BCAR3: variants seen among roughly 807,000 people sequenced by gnomAD.
The protein encoded by BCAR3 is BCAR3 adaptor protein, NSP family member.
A neutral mutation model predicts 80.1 loss-of-function variants in BCAR3; 37 were observed. That is an observed-to-expected ratio of 0.46 (90% CI 0.36 to 0.61). The LOEUF (loss-of-function observed/expected upper bound fraction) is 0.61. BCAR3 is among the 20% of genes least tolerant of loss of function. The pLI, the probability that BCAR3 is intolerant of heterozygous loss-of-function variation, is 0.00. For synonymous variants in BCAR3, 389 were observed against 418.9 expected, an observed-to-expected ratio of 0.93 and a Z score of 0.87; for missense variants, 978 against 1,068.2, an observed-to-expected ratio of 0.92 and a Z score of 1.18.
intron 2 of BCAR3, among the ~76,000 whole-genome samples, chr1:93,755,105 T>A (rs1394988138): frequency 1.3e-5 from 2 of 152,082 alleles, no homozygotes; most frequent in East Asian, 3.8e-4. Context: ...TAAAAAATTT[T>A]AAAAATAGAA....
At chr1:93,726,340 C>G (rs12042820) in intron 2 of BCAR3, among the ~76,000 whole-genome samples, 1 of 152,204 alleles carries the variant, frequency 6.6e-6, no homozygotes, top group East Asian at 1.9e-4. Flanking sequence ...TCCAAAGTGT[C>G]AAGATTACAG....
chr1:93,717,093 T>C (rs958148989), intron 2 of BCAR3, among the ~76,000 whole-genome samples: 5 of 152,204 alleles, frequency 3.3e-5, no homozygotes, highest in African/African-American at 1.2e-4. Context: ...CCGCACAGTA[T>C]CTACTTATAC....
At chr1:93,730,557 C>G (rs1650750729) in intron 2 of BCAR3, among the ~76,000 whole-genome samples, 1 of 152,180 alleles carries the variant, frequency 6.6e-6, no homozygotes, top group Non-Finnish European at 1.5e-5. Context: ...CACATACGTC[C>G]TGTACTCTGC....
At chr1:93,640,650 G>A (rs1360318086) in intron 3 of BCAR3, among the ~76,000 whole-genome samples, 1 of 152,198 alleles carries the variant, frequency 6.6e-6, no homozygotes, top group Non-Finnish European at 1.5e-5. Flanking sequence ...TCTCTTCTTT[G>A]TCAATACCAC....
chr1:93,592,357 C>T lies in BCAR3; in HGVS notation c.394G>A (p.Glu132Lys), dbSNP rs200280259. The part of the protein sequence containing the change: ...KERHIMDRTP[E>K]KLKKELEEEL... ...TCCTCCAGCTCCTTCTTCAGTTTCT[C>T]GGGGGTCCTGTCCATGATGTGCCTC... The change falls in exon 4 of 12, where the codon GAG becomes AAG. Residue 132 changes from glutamate to lysine, a missense_variant. Glu to Lys is a moderately conservative substitution (Grantham distance 56). Coordinates refer to ENST00000260502, the MANE Select transcript of BCAR3 (RefSeq NM_003567.4). The surrounding 1 kb of genome is among the most constrained non-coding windows in gnomAD (Gnocchi z 4.8). 4.0e-5 allele frequency: 65 copies of T among 1,606,374 alleles called. No homozygotes were observed. Among genetic ancestry groups the T allele is most frequent in the Middle Eastern group, 1.7e-4 (1 of 6,048 alleles).
At chr1:93,716,887 T>C (rs1351993666) in intron 2 of BCAR3, among the ~76,000 whole-genome samples, 2 of 152,206 alleles carry the variant, frequency 1.3e-5, no homozygotes, top group Non-Finnish European at 2.9e-5. Flanking sequence ...GAGCATGCAC[T>C]CAGGCAGGGA....
At chr1:93,664,436 T>C (rs1647807172) in intron 2 of BCAR3, among the ~76,000 whole-genome samples, 1 of 152,210 alleles carries the variant, frequency 6.6e-6, no homozygotes, top group African/African-American at 2.4e-5. Flanking sequence ...TACTTTTCTA[T>C]GAGTCAGTGT....
At chr1:93,817,894 T>C (rs1033785596) in intron 2 of BCAR3, among the ~76,000 whole-genome samples, 1 of 152,114 alleles carries the variant, frequency 6.6e-6, no homozygotes, top group Non-Finnish European at 1.5e-5. Flanking sequence ...CAGTTCACCT[T>C]CCCCTAGACC....
chr1:93,700,199 T>C (rs1004694092), intron 3 of BCAR3, among the ~76,000 whole-genome samples: 1 of 152,176 alleles, frequency 6.6e-6, no homozygotes, highest in Admixed American at 6.5e-5. Context: ...GAAAATTCTT[T>C]TTTTTTCTTT....
intron 2 of BCAR3, among the ~76,000 whole-genome samples, chr1:93,789,384 C>T (rs1031784985): frequency 2.9e-4 from 44 of 152,306 alleles, no homozygotes; most frequent in African/African-American, 1.1e-3. Context: ...CTAAGCCCTC[C>T]CTATGGGGGA....
In BCAR3 at chr1:93,674,948, G is replaced by T. The variant is rs1571033710; in HGVS notation, c.-11-7C>A. ...GCAGCCATAATTCTCAACTCTAAGGGGGAAAGAAAAGAGTGAAGGTATAAA... is the reference window on the plus strand; with the variant it reads ...GCAGCCATAATTCTCAACTCTAAGGTGGAAAGAAAAGAGTGAAGGTATAAA... On this transcript the variant is annotated splice_polypyrimidine_tract_variant and splice_region_variant and intron_variant, in intron 1 of 11. Transcript: ENST00000260502. 1 of 1,521,562 alleles carries T rather than the reference G, an allele frequency of 6.6e-7. No homozygotes were observed. The highest frequency in any genetic ancestry group is 1.3e-5 in the South Asian group (1 of 75,738). The allele number at this position is 1,521,562 out of a possible 1,614,324, so 94.3% of individuals were successfully genotyped here.
intron 8 of BCAR3, among the ~76,000 whole-genome samples, chr1:93,572,947 T>C (rs541191589): frequency 2.0e-4 from 31 of 152,190 alleles, no homozygotes; most frequent in Non-Finnish European, 4.0e-4. Flanking sequence ...GTTAAATAGG[T>C]AATGGGCTCT....
chr1:93,682,162 A>G (rs371564927), upstream of BCAR3, among the ~76,000 whole-genome samples: 12 of 152,182 alleles, frequency 7.9e-5, no homozygotes, highest in African/African-American at 1.2e-4. Flanking sequence ...CTGGCTTTCA[A>G]TGTGAAGGGC....
intron 2 of BCAR3, among the ~76,000 whole-genome samples, chr1:93,767,281 C>A (rs1460157785): frequency 1.3e-5 from 2 of 152,040 alleles, no homozygotes; most frequent in African/African-American, 4.8e-5. Context: ...CCAGCACTTT[C>A]GGAGGCCGAG....
intron 2 of BCAR3, among the ~76,000 whole-genome samples, chr1:93,799,287 T>G (rs1256522887): frequency 6.6e-6 from 1 of 152,214 alleles, no homozygotes; most frequent in East Asian, 1.9e-4. Flanking sequence ...AGCTGATAAT[T>G]TGGATGGCTC....
chr1:93,691,151 G>C (rs917175224), intron 3 of BCAR3, among the ~76,000 whole-genome samples: 1 of 152,170 alleles, frequency 6.6e-6, no homozygotes, highest in Non-Finnish European at 1.5e-5. Flanking sequence ...CTGAAGGTGA[G>C]ACATTCTAAT....
At chr1:93,771,203 T>G (rs1026138861) in intron 2 of BCAR3, among the ~76,000 whole-genome samples, 1 of 152,194 alleles carries the variant, frequency 6.6e-6, no homozygotes, top group African/African-American at 2.4e-5. Context: ...AACTGAGAGA[T>G]GCTGAAATAG....
chr1:93,605,711 T>C, intron 3 of BCAR3: 1 of 152,266 alleles, frequency 6.6e-6, no homozygotes, highest in East Asian at 1.9e-4. Flanking sequence ...ATGTCCTATT[T>C]GCTCTTCAAT....
At chr1:93,573,314 T>G (rs866321493) in intron 8 of BCAR3, among the ~76,000 whole-genome samples, 1 of 152,044 alleles carries the variant, frequency 6.6e-6, no homozygotes, top group Non-Finnish European at 1.5e-5. Context: ...TGAGAATCGC[T>G]TGAACCCAGG....
Sources: gnomAD v4.1 joint callset for allele counts (sites outside exome capture counted in the v4.1 genomes callset) on GRCh38, gnomAD v4.1.1 for gene constraint, Gnocchi (gnomAD v3.1) non-coding constraint, MANE v1.5 for transcripts, NCBI Gene and HGNC (gene_info 2026-07-23, HGNC 2026-07-21) for gene names.